The following HCRTR2 variants were observed in gnomAD, a reference collection of about 807,000 sequenced individuals.
The protein encoded by HCRTR2 is hypocretin receptor 2.
In HCRTR2, 22 loss-of-function variants were observed where a neutral mutation model predicts 49.0. The observed-to-expected ratio is 0.45, with a 90% CI of 0.32 to 0.64. The LOEUF is 0.64. Among genes scored for constraint, HCRTR2 ranks in the 30% least tolerant of loss-of-function variants. The pLI is 0.04. For synonymous variants in HCRTR2, 236 were observed against 205.3 expected, an observed-to-expected ratio of 1.15 and a Z score of -1.28; for missense variants, 491 against 559.4, an observed-to-expected ratio of 0.88 and a Z score of 1.23.
intron 1 of HCRTR2, chr6:55,240,749 G>A (rs2127306114): frequency 2.5e-6 from 1 of 405,108 alleles, no homozygotes; most frequent in African/African-American, 2.1e-5. Flanking sequence ...AGGTTCTTAA[G>A]TCTGGATACT....
chr6:55,221,552 G>T (rs893016316), intron 1 of HCRTR2, among the ~76,000 whole-genome samples: 1 of 152,106 alleles, frequency 6.6e-6, no homozygotes, highest in Admixed American at 6.5e-5. Flanking sequence ...GGTGGCTCAC[G>T]CCTGTAATCC....
intron 2 of HCRTR2, among the ~76,000 whole-genome samples, chr6:55,249,644 A>T (rs950046374): frequency 6.6e-6 from 1 of 152,134 alleles, no homozygotes; most frequent in Non-Finnish European, 1.5e-5. Flanking sequence ...TCTTTCCTTA[A>T]GAGTGAAAAC....
intron 1 of HCRTR2, among the ~76,000 whole-genome samples, chr6:55,243,076 C>T (rs894540563): frequency 6.6e-6 from 1 of 152,104 alleles, no homozygotes; most frequent in Non-Finnish European, 1.5e-5. Context: ...TCATCAGATT[C>T]TTTCAGAGAA....
chr6:55,124,279 G>A (rs959807162), intron 1 of HCRTR2, among the ~76,000 whole-genome samples: 1 of 152,128 alleles, frequency 6.6e-6, no homozygotes, highest in African/African-American at 2.4e-5. Context: ...TCTACACACT[G>A]CTTTAAATGT....
At chr6:55,141,312 C>T (rs9475163) in intron 1 of HCRTR2, among the ~76,000 whole-genome samples, 5,003 of 151,866 alleles carry the variant, frequency 0.033, 270 homozygotes, top group African/African-American at 0.11. Context: ...CCACTGCACT[C>T]CAGCCTGGGC....
intron 1 of HCRTR2, among the ~76,000 whole-genome samples, chr6:55,175,419 G>A (rs1212531431): frequency 6.6e-6 from 1 of 152,110 alleles, no homozygotes; most frequent in Non-Finnish European, 1.5e-5. Flanking sequence ...CAGGATCCAT[G>A]CCTGGAGCAA....
At chr6:55,150,468 C>T (rs1186259373) in intron 1 of HCRTR2, among the ~76,000 whole-genome samples, 1 of 151,928 alleles carries the variant, frequency 6.6e-6, no homozygotes, top group Non-Finnish European at 1.5e-5. Flanking sequence ...ATAACTGAGA[C>T]TTTCTACCCT....
intron 1 of HCRTR2, among the ~76,000 whole-genome samples, chr6:55,226,711 G>GTTTTTTTT (rs777871106): frequency 1.5e-4 from 11 of 74,292 alleles, no homozygotes; most frequent in African/African-American, 5.4e-4. Flanking sequence ...AATTCCAGGT[G>GTTTTTTTT]TTTTTTTTTT....
At chr6:55,228,620 A>G (rs1766056071) in intron 1 of HCRTR2, among the ~76,000 whole-genome samples, 1 of 152,204 alleles carries the variant, frequency 6.6e-6, no homozygotes, top group African/African-American at 2.4e-5. Flanking sequence ...TTTCACAGGT[A>G]TCACACCAAT....
At chr6:55,229,599 T>C (rs763608464) in intron 1 of HCRTR2, among the ~76,000 whole-genome samples, 4 of 152,278 alleles carry the variant, frequency 2.6e-5, no homozygotes, top group South Asian at 4.1e-4. Flanking sequence ...TAGATGAACC[T>C]GCAGGACGTT....
chr6:55,163,644 T>G (rs1384080622), intron 1 of HCRTR2, among the ~76,000 whole-genome samples: 1 of 152,120 alleles, frequency 6.6e-6, no homozygotes, highest in East Asian at 1.9e-4. Flanking sequence ...ATTAAAGACT[T>G]AAACGTAAGA....
intron 1 of HCRTR2, among the ~76,000 whole-genome samples, chr6:55,238,187 G>C (rs773759037): frequency 6.6e-6 from 1 of 151,938 alleles, no homozygotes; most frequent in Non-Finnish European, 1.5e-5. Flanking sequence ...TTATCCCCTA[G>C]CTCAGTGAGC....
At chr6:55,111,221 A>G (rs1764044273) in intron 1 of HCRTR2, among the ~76,000 whole-genome samples, 3 of 152,088 alleles carry the variant, frequency 2.0e-5, no homozygotes, top group African/African-American at 7.2e-5. Context: ...AAAAGTCTGA[A>G]GGAGCACAAA....
chr6:55,179,890 C>T (rs1022994662), intron 1 of HCRTR2, among the ~76,000 whole-genome samples: 1 of 152,134 alleles, frequency 6.6e-6, no homozygotes, highest in Non-Finnish European at 1.5e-5. Context: ...CCGAAACATC[C>T]ACTGCTGATG....
intron 1 of HCRTR2, among the ~76,000 whole-genome samples, chr6:55,167,317 T>C (rs1266926280): frequency 1.3e-5 from 2 of 152,210 alleles, no homozygotes; most frequent in Non-Finnish European, 2.9e-5. Flanking sequence ...TGGAGTCCAA[T>C]ACATAAACCT....
chr6:55,269,011 A>AC (rs1198843430), intron 4 of HCRTR2, among the ~76,000 whole-genome samples: 1 of 149,276 alleles, frequency 6.7e-6, no homozygotes, highest in African/African-American at 2.5e-5. Flanking sequence ...AATGGCGTGA[A>AC]CCCGGGGGGT....
chr6:55,277,088 C>T (rs531636449), intron 4 of HCRTR2, among the ~76,000 whole-genome samples: 1 of 152,180 alleles, frequency 6.6e-6, no homozygotes, highest in South Asian at 2.1e-4. Context: ...TCTCCTTTCC[C>T]AAGCTTTGTT....
At chr6:55,205,997 A>T (rs937930936) in intron 1 of HCRTR2, among the ~76,000 whole-genome samples, 3 of 152,126 alleles carry the variant, frequency 2.0e-5, no homozygotes, top group African/African-American at 7.2e-5. Flanking sequence ...AAATAAAAAA[A>T]TTTAAAAATT....
intron 1 of HCRTR2, among the ~76,000 whole-genome samples, chr6:55,156,144 A>G (rs1488634151): frequency 1.3e-5 from 2 of 151,646 alleles, no homozygotes; most frequent in Non-Finnish European, 2.9e-5. Context: ...TTACATTATT[A>G]TTTTTATTAA....
Sources: gnomAD v4.1 joint callset for allele counts (sites outside exome capture counted in the v4.1 genomes callset) on GRCh38, gnomAD v4.1.1 for gene constraint, MANE v1.5 for transcripts, NCBI Gene and HGNC (gene_info 2026-07-23, HGNC 2026-07-21) for gene names.